Variants in FLRT2 observed in about 807,000 individuals in gnomAD.
FLRT2 encodes the protein fibronectin leucine rich transmembrane protein 2.
Under a neutral mutation model 40.0 loss-of-function variants are expected in FLRT2, and 15 were observed. The ratio of observed to expected loss-of-function variants is 0.38; its 90% CI spans 0.25 to 0.58. The LOEUF (loss-of-function observed/expected upper bound fraction) is 0.58. Among genes scored for constraint, FLRT2 ranks in the 20% least tolerant of loss-of-function variants. The pLI is 0.71. For synonymous variants in FLRT2, 380 were observed against 336.8 expected, an observed-to-expected ratio of 1.13 and a Z score of -1.41; for missense variants, 726 against 840.0, an observed-to-expected ratio of 0.86 and a Z score of 1.68.
intron 1 of FLRT2, among the ~76,000 whole-genome samples, chr14:85,567,487 A>G (rs1316920419): frequency 1.3e-5 from 2 of 152,052 alleles, no homozygotes; most frequent in African/African-American, 2.4e-5. Flanking sequence ...CTTCTTCAGG[A>G]GCGTAAGTTT....
Position 85,652,325 on chromosome 14 carries a change from T to C in FLRT2, c.*28828T>C, listed in dbSNP as rs1264050743. ...TATTTATATTGAGAAGCAACTTTTT[T>C]AATTGTTTGGGGAAAGACTTCTATT... is the stretch of plus-strand genomic sequence containing the variant. On this transcript the variant is annotated 3_prime_UTR_variant, in exon 2 of 2. Coordinates refer to ENST00000330753, the MANE Select transcript of FLRT2 (RefSeq NM_013231.6). 1 of 152,140 alleles carries C rather than the reference T, an allele frequency of 6.6e-6. No homozygotes were observed. The highest frequency in any genetic ancestry group is 1.5e-5 in the Non-Finnish European group (1 of 67,992). 9.4% of individuals were successfully genotyped at this position (152,140 alleles called of 1,614,324 possible). A position where few individuals can be genotyped will look rare whatever the true frequency, so the allele number is the denominator to read the frequency against.
At chr14:85,592,789 C>CAAAAAAA (rs34002874) in intron 1 of FLRT2, among the ~76,000 whole-genome samples, 1 of 90,702 alleles carries the variant, frequency 1.1e-5, no homozygotes, top group African/African-American at 4.7e-5. Context: ...AACTCCGTCT[C>CAAAAAAA]AAAAAAAAAA....
intron 1 of FLRT2, among the ~76,000 whole-genome samples, chr14:85,616,127 G>A (rs1298510048): frequency 1.3e-5 from 2 of 151,862 alleles, no homozygotes; most frequent in Non-Finnish European, 2.9e-5. Flanking sequence ...ACGGGTTCTT[G>A]CTGCCCCCAA....
intron 1 of FLRT2, among the ~76,000 whole-genome samples, chr14:85,607,813 G>C (rs1401684530): frequency 6.6e-6 from 1 of 152,178 alleles, no homozygotes; most frequent in Non-Finnish European, 1.5e-5. Flanking sequence ...CATACTGCCC[G>C]AACAAAGTAC....
chr14:85,588,057 G>A (rs767980735), intron 1 of FLRT2, among the ~76,000 whole-genome samples: 6 of 151,926 alleles, frequency 3.9e-5, no homozygotes, highest in African/African-American at 7.2e-5. Flanking sequence ...TCAGCCTCCC[G>A]AGTGATATTT....
At chr14:85,559,151 A>G (rs1057181396) in intron 1 of FLRT2, among the ~76,000 whole-genome samples, 2 of 152,304 alleles carry the variant, frequency 1.3e-5, no homozygotes, top group South Asian at 4.1e-4. Flanking sequence ...TTTTGAAAAT[A>G]TGCTCAGCAG....
Position 85,567,506 on chromosome 14 carries a change from C to A in FLRT2, c.-377+36972C>A, listed in dbSNP as rs532056361. The stretch of plus-strand genomic sequence containing the variant: ...TTCAGGAGCGTAAGTTTCTGCATCA[C>A]CCTGCCTCAGTATCTTTCTGTACAA... On this transcript the variant is annotated intron_variant, in intron 1 of 1. Transcript: ENST00000330753. 1.7e-4 allele frequency among the ~76,000 whole-genome samples: 26 copies of A among 152,242 alleles called. No homozygotes were observed. In the South Asian group the frequency reaches 2.7e-3, roughly 16 times the overall value.
chr14:85,536,598 C>T (rs188225661), intron 1 of FLRT2, among the ~76,000 whole-genome samples: 3 of 150,766 alleles, frequency 2.0e-5, no homozygotes, highest in African/African-American at 7.3e-5. Flanking sequence ...CAAATTCAGT[C>T]CATTAGTGAC....
intron 1 of FLRT2, among the ~76,000 whole-genome samples, chr14:85,603,345 GA>G (rs1158342219): frequency 6.6e-6 from 1 of 150,538 alleles, no homozygotes; most frequent in African/African-American, 2.4e-5. Flanking sequence ...TTATGAAGGA[GA>G]AAAAAAAAGA....
chr14:85,613,260 T>A (rs1370597732), intron 1 of FLRT2, among the ~76,000 whole-genome samples: 1 of 152,230 alleles, frequency 6.6e-6, no homozygotes, highest in Non-Finnish European at 1.5e-5. Flanking sequence ...GGTACATACA[T>A]GCCTCTGAAC....
At chr14:85,569,626 G>T (rs948063007) in intron 1 of FLRT2, among the ~76,000 whole-genome samples, 2 of 152,206 alleles carry the variant, frequency 1.3e-5, no homozygotes, top group South Asian at 4.1e-4. Context: ...TGAGGAATGC[G>T]CTGTAAGAAT....
chr14:85,546,179 T>C (rs907724361), intron 1 of FLRT2, among the ~76,000 whole-genome samples: 8 of 152,232 alleles, frequency 5.3e-5, no homozygotes, highest in African/African-American at 1.9e-4. Flanking sequence ...TGCACTCATC[T>C]CTACATGTAT....
rs1893856498 is a variant in FLRT2 at position 85,631,075 on chromosome 14, A to G, written c.*7578A>G. ...TGCCTCCTCCTTCATTACATGCTCT[A>G]GATTATATATATATAATTACATATA... On this transcript the variant is annotated 3_prime_UTR_variant, in exon 2 of 2. Coordinates refer to ENST00000330753, the MANE Select transcript of FLRT2 (RefSeq NM_013231.6). 1 of 131,576 alleles carries G rather than the reference A, an allele frequency of 7.6e-6. No individual in the cohort carries two copies. The allele number at this position is 131,576 out of a possible 1,614,324, so 8.2% of individuals were successfully genotyped here.
At chr14:85,596,736 T>A (rs1034159696) in intron 1 of FLRT2, among the ~76,000 whole-genome samples, 3 of 152,206 alleles carry the variant, frequency 2.0e-5, no homozygotes, top group Non-Finnish European at 4.4e-5. Context: ...GGTGAGCAGT[T>A]ACTGTGCATC....
chr14:85,540,602 G>A lies in FLRT2; in HGVS notation c.-377+10068G>A, dbSNP rs1163569302. Among the ~76,000 whole-genome samples the A allele has an allele frequency of 3.9e-5, 6 of 152,202 alleles. No homozygotes were observed. The East Asian group carries it at 9.6e-4, about 24-fold the overall frequency. Reference sequence around the variant, plus strand: ...TTTATAAAATACGTGGTTGGATCCCGATTCTTGGCCAAAATGAGTATTTCT... The same window carrying A: ...TTTATAAAATACGTGGTTGGATCCCAATTCTTGGCCAAAATGAGTATTTCT... On this transcript the variant is annotated intron_variant, in intron 1 of 1. Coordinates refer to ENST00000330753, the MANE Select transcript of FLRT2 (RefSeq NM_013231.6).
chr14:85,570,707 G>A (rs1019568621), intron 1 of FLRT2, among the ~76,000 whole-genome samples: 3 of 151,380 alleles, frequency 2.0e-5, no homozygotes, highest in African/African-American at 7.3e-5. Flanking sequence ...TCAGCCTCCC[G>A]AGTAGCTGGG....
At chr14:85,570,684 C>CCAT (rs1158388844) in intron 1 of FLRT2, among the ~76,000 whole-genome samples, 1 of 151,628 alleles carries the variant, frequency 6.6e-6, no homozygotes, top group East Asian at 1.9e-4. Flanking sequence ...TGGGTTCATG[C>CCAT]CATTCTCCTG....
intron 1 of FLRT2, among the ~76,000 whole-genome samples, chr14:85,536,544 C>T (rs1888669512): frequency 6.6e-6 from 1 of 151,938 alleles, no homozygotes; most frequent in Non-Finnish European, 1.5e-5. Context: ...GTTCCTTTTT[C>T]ACTAGATTAC....
chr14:85,532,197 C>T (rs1888327678), intron 1 of FLRT2, among the ~76,000 whole-genome samples: 1 of 152,158 alleles, frequency 6.6e-6, no homozygotes, highest in African/African-American at 2.4e-5. Context: ...GAGCGGATCC[C>T]TGGGGGGTTG....
Sources: allele counts gnomAD v4.1 joint callset (sites outside exome capture counted in the v4.1 genomes callset), GRCh38; gene constraint gnomAD v4.1.1; transcripts MANE v1.5; gene names NCBI Gene and HGNC (gene_info 2026-07-23, HGNC 2026-07-21).